The following SLC26A8 variants were observed in gnomAD, a reference collection of about 807,000 sequenced individuals.
SLC26A8 encodes the protein testis anion transporter 1.
SLC26A8 carries 70 observed loss-of-function variants against 105.0 expected under a neutral mutation model. The observed-to-expected ratio is 0.67, with a 90% confidence interval of 0.55 to 0.81. The LOEUF (loss-of-function observed/expected upper bound fraction) is 0.81. Ranked by LOEUF, SLC26A8 falls within the 40% of genes least tolerant of loss-of-function variation. The pLI, the probability that SLC26A8 is intolerant of heterozygous loss-of-function variation, is 0.00. For synonymous variants in SLC26A8, 415 were observed against 438.3 expected (o/e 0.95, Z 0.66); for missense variants, 998 against 1,181.8 (o/e 0.84, Z 2.28).
At chr6:35,950,984 G>C (rs1771845517) in intron 19 of SLC26A8, among the ~76,000 whole-genome samples, 179 bp downstream of exon 19, 1 of 152,124 alleles carries the variant, frequency 6.6e-6, no homozygotes, top group Admixed American at 6.6e-5. Context: ...TATTTACCAA[G>C]TGGTAAGGGT....
In SLC26A8 at chr6:35,943,994, T is replaced by C. The variant is rs752155289; in HGVS notation, c.2819A>G (p.Gln940Arg). The change falls in exon 20 of 20, where the codon CAG becomes CGG. Residue 940 changes from glutamine (Q) to arginine (R), a missense_variant. Transcript: ENST00000490799. ...CCATGTCCGAGTCTGAGTCTGAGAC[T>C]GGGTGGAAGCCATAGACGGATGATA... ...PMYHPSMAST[Q>R]SQTQTRTWSV... 67 of 1,614,072 alleles carry C rather than the reference T, an allele frequency of 4.2e-5. No homozygotes were observed. Among genetic ancestry groups the C allele is most frequent in the Non-Finnish European group, 5.7e-5 (67 of 1,180,040 alleles).
chr6:35,996,759 G>A (rs1761362713), intron 5 of SLC26A8, among the ~76,000 whole-genome samples: 1 of 152,118 alleles, frequency 6.6e-6, no homozygotes, highest in South Asian at 2.1e-4. Flanking sequence ...TTTTGGCTGG[G>A]TGCAGTGGCT....
rs1025653805 is a variant in SLC26A8, at chr6:35,982,194, A to G, written c.952T>C (p.Phe318Leu). Residue 318 changes from phenylalanine (F) to leucine (L), a missense_variant, in exon 8 of 20, where the codon TTC becomes CTC. Transcript: ENST00000490799. ...CTTATCTTGTTTGCAATCACAGTGA[A>G]GCCAATAATCTGTAGGGGGTAAAAA... is the stretch of plus-strand genomic sequence containing the variant. ...FPMELFLIIG[F>L]TVIANKISMA... 6.2e-7 allele frequency: 1 copy of G among 1,614,098 alleles called. No homozygotes were observed.
At chr6:35,946,358 TC>T (rs888670972) in intron 19 of SLC26A8, among the ~76,000 whole-genome samples, 8 of 152,166 alleles carry the variant, frequency 5.3e-5, no homozygotes, top group African/African-American at 1.2e-4. Flanking sequence ...TGCCTCAGGC[TC>T]CCAAGTAGCT....
At chr6:36,004,074 CT>C (rs1184419646) in intron 3 of SLC26A8, among the ~76,000 whole-genome samples, 22,073 of 114,100 alleles carry the variant, frequency 0.19, 928 homozygotes, top group Middle Eastern at 0.24. Context: ...TTTATTTCTG[CT>C]TTTTTTTTTT....
intron 9 of SLC26A8, among the ~76,000 whole-genome samples, chr6:35,976,580 G>A (rs754923787): frequency 6.7e-5 from 9 of 134,868 alleles, no homozygotes; most frequent in African/African-American, 1.6e-4. Context: ...AGATGGAGTC[G>A]CCCAGACTGG....
intron 3 of SLC26A8, among the ~76,000 whole-genome samples, chr6:36,007,819 T>C (rs914549186): frequency 2.6e-5 from 4 of 152,130 alleles, no homozygotes; most frequent in Non-Finnish European, 5.9e-5. Context: ...CTGGAGGATA[T>C]TCTTTAAAAA....
intron 10 of SLC26A8, among the ~76,000 whole-genome samples, chr6:35,974,956 C>G (rs978696549): frequency 6.7e-6 from 1 of 149,922 alleles, no homozygotes; most frequent in African/African-American, 2.5e-5. Flanking sequence ...TGGGGTTTTA[C>G]CATGTTAGCC....
intron 10 of SLC26A8, chr6:35,969,249 T>C: frequency 6.5e-6 from 2 of 309,684 alleles, no homozygotes; most frequent in South Asian, 7.2e-5. Flanking sequence ...ATCTGAATTC[T>C]CCTAAAATCT....
chr6:35,944,659 T>G (rs897451512), intron 19 of SLC26A8, among the ~76,000 whole-genome samples: 16 of 151,866 alleles, frequency 1.1e-4, no homozygotes, highest in Non-Finnish European at 2.4e-4. Context: ...CAGTGAGCTG[T>G]GTTTACACCG....
intron 5 of SLC26A8, among the ~76,000 whole-genome samples, chr6:35,997,472 A>C (rs1437269057): frequency 6.6e-6 from 1 of 152,116 alleles, no homozygotes; most frequent in Non-Finnish European, 1.5e-5. Flanking sequence ...CTGGACCATC[A>C]TCCCTTAGAC....
At chr6:35,983,886 T>A (rs887803713) in intron 7 of SLC26A8, among the ~76,000 whole-genome samples, 2 of 152,164 alleles carry the variant, frequency 1.3e-5, no homozygotes, top group Admixed American at 6.5e-5. Context: ...GATTGATAGA[T>A]GTGTGCAGTT....
At chr6:35,999,406 G>T (rs958860367) in intron 4 of SLC26A8, among the ~76,000 whole-genome samples, 2 of 152,144 alleles carry the variant, frequency 1.3e-5, no homozygotes, top group African/African-American at 4.8e-5. Context: ...TTTGTGATTT[G>T]ATTTCTATGC....
Position 36,000,107 on chromosome 6 carries a change from G to T in SLC26A8, c.330C>A (p.Gly110=), listed in dbSNP as rs752228261. The change falls in exon 4 of 20, where the codon GGC becomes GGA. Residue 110 remains glycine, a splice_region_variant and synonymous_variant. Coordinates refer to ENST00000490799, the MANE Select transcript of SLC26A8 (RefSeq NM_052961.4). The part of the protein sequence containing the change: ...ISVGLVQVPQ[G]LTLSLLARQL... ...GCCTTGCCAGCAAACTAAGTGTCAG[G>T]CCTGAAAAACAAGATAATTTAAGAA... is the stretch of plus-strand genomic sequence containing the variant. The T allele has an allele frequency of 3.7e-6, 6 of 1,604,790 alleles. 1 individual carries two copies. The South Asian group carries it at 6.6e-5, about 18-fold the overall frequency.
intron 2 of SLC26A8, among the ~76,000 whole-genome samples, chr6:36,016,505 C>T (rs1179052153): frequency 1.3e-5 from 2 of 152,150 alleles, no homozygotes; most frequent in African/African-American, 4.8e-5. Context: ...TATTACATTA[C>T]AATTGCTAAA....
chr6:35,987,434 T>C (rs1007185028), intron 7 of SLC26A8, among the ~76,000 whole-genome samples: 7 of 152,134 alleles, frequency 4.6e-5, no homozygotes, highest in African/African-American at 1.7e-4. Context: ...TGCAGTGGCA[T>C]GATCTCAGCT....
intron 2 of SLC26A8, among the ~76,000 whole-genome samples, chr6:36,013,880 C>G (rs188451033): frequency 6.6e-6 from 1 of 152,252 alleles, no homozygotes; most frequent in Admixed American, 6.5e-5. Flanking sequence ...ATTACTATTG[C>G]TAAGGTAATT....
At chr6:35,985,557 G>A (rs900905179) in intron 7 of SLC26A8, among the ~76,000 whole-genome samples, 10 of 151,876 alleles carry the variant, frequency 6.6e-5, no homozygotes, top group Non-Finnish European at 1.5e-4. Context: ...GCCAGGCATG[G>A]TGGTGTGTAC....
At chr6:35,979,725 G>T (rs1773196180) in intron 8 of SLC26A8, among the ~76,000 whole-genome samples, 1 of 152,080 alleles carries the variant, frequency 6.6e-6, no homozygotes, top group Admixed American at 6.6e-5. Flanking sequence ...ATAAACTACT[G>T]TTTTTCCTTT....
Sources: allele counts gnomAD v4.1 joint callset (sites outside exome capture counted in the v4.1 genomes callset), GRCh38; gene constraint gnomAD v4.1.1; transcripts MANE v1.5; gene names NCBI Gene and HGNC (gene_info 2026-07-23, HGNC 2026-07-21).